The following GDI2 variants were observed in gnomAD, a reference collection of about 807,000 sequenced individuals.
The protein encoded by GDI2 is GDP dissociation inhibitor 2, also known as rab GDP dissociation inhibitor beta.
Under a neutral mutation model 54.2 loss-of-function variants are expected in GDI2, and 22 were observed. That is an observed-to-expected ratio of 0.41 (90% CI 0.29 to 0.58). The LOEUF is 0.58. GDI2 is among the 20% of genes least tolerant of loss of function. The pLI, the probability that GDI2 is intolerant of heterozygous loss-of-function variation, is 0.35. For missense variants in GDI2, 422 were observed against 546.0 expected (o/e 0.77, Z 2.26); for synonymous variants, 177 against 182.1 (o/e 0.97, Z 0.23).
intron 7 of GDI2, among the ~76,000 whole-genome samples, chr10:5,769,565 G>A (rs1345407517): frequency 1.4e-5 from 2 of 143,986 alleles, no homozygotes; most frequent in Non-Finnish European, 3.0e-5. Flanking sequence ...GCAAAACTCC[G>A]TCTCAAAAGA....
At chr10:5,795,215 A>G (rs1841118800) in intron 3 of GDI2, among the ~76,000 whole-genome samples, 196 bp from the exon 4 acceptor site, 1 of 152,144 alleles carries the variant, frequency 6.6e-6, no homozygotes, top group South Asian at 2.1e-4. Flanking sequence ...CTGCAACCTC[A>G]GCCTCCTGGG....
chr10:5,796,263 T>C (rs1315454083), intron 3 of GDI2, among the ~76,000 whole-genome samples: 1 of 151,768 alleles, frequency 6.6e-6, no homozygotes, highest in Admixed American at 6.6e-5. Flanking sequence ...GGCAGGAGAA[T>C]TGCTTGAACC....
At chr10:5,811,891 C>A in intron 1 of GDI2, 1 of 1,115,334 alleles carries the variant, frequency 9.0e-7, no homozygotes, top group Non-Finnish European at 1.2e-6. Context: ...AAAAAATTAG[C>A]CAAATAAAAG....
chr10:5,805,654 G>A lies in GDI2; in HGVS notation c.46-4949C>T, dbSNP rs143417877. Among the ~76,000 whole-genome samples the A allele has an allele frequency of 5.0e-3, 761 of 152,322 alleles. 5 individuals are homozygous for A. The highest frequency in any genetic ancestry group is 0.017 in the African/African-American group (724 of 41,570). ...TCCTGCCTTGTCCTCCCAAAGTGCT[G>A]GGATTACAGGTGTCAGCCACCACTG... is the stretch of plus-strand genomic sequence containing the variant. On this transcript the variant is annotated intron_variant, in intron 1 of 10. Coordinates refer to ENST00000380191, the MANE Select transcript of GDI2 (RefSeq NM_001494.4).
intron 1 of GDI2, among the ~76,000 whole-genome samples, chr10:5,809,342 A>C (rs1401810075): frequency 1.3e-5 from 2 of 152,058 alleles, no homozygotes; most frequent in Non-Finnish European, 2.9e-5. Context: ...CACTGCCTTG[A>C]AGATAATTTT....
At chr10:5,810,892 A>G (rs1841468884) in intron 1 of GDI2, among the ~76,000 whole-genome samples, 1 of 152,190 alleles carries the variant, frequency 6.6e-6, no homozygotes, top group South Asian at 2.1e-4. Context: ...TTAACAACTC[A>G]TACAAACAAT....
At chr10:5,788,001 C>T (rs548706069) in intron 4 of GDI2, among the ~76,000 whole-genome samples, 2 of 152,338 alleles carry the variant, frequency 1.3e-5, no homozygotes, top group East Asian at 1.9e-4. Flanking sequence ...ACAGTAGAGA[C>T]GTCCTGGCTG....
At chr10:5,773,778 AT>A in intron 7 of GDI2, 63 bp downstream of exon 7, 1 of 771,324 alleles carries the variant, frequency 1.3e-6, no homozygotes, top group African/African-American at 1.7e-5. Flanking sequence ...CAAAATCAAT[AT>A]TTAGAATACA....
chr10:5,778,686 G>A (rs1241912212), intron 6 of GDI2, among the ~76,000 whole-genome samples: 1 of 152,128 alleles, frequency 6.6e-6, no homozygotes, highest in Non-Finnish European at 1.5e-5. Flanking sequence ...ATACCAAGGA[G>A]GAAATATCCT....
chr10:5,790,876 C>T (rs927347620), intron 4 of GDI2, among the ~76,000 whole-genome samples: 2 of 152,168 alleles, frequency 1.3e-5, no homozygotes, highest in Non-Finnish European at 1.5e-5. Flanking sequence ...ATGTTCTTGG[C>T]TGGGTGCAGT....
At chr10:5,773,111 T>C (rs1167518648) in intron 7 of GDI2, among the ~76,000 whole-genome samples, 2 of 152,170 alleles carry the variant, frequency 1.3e-5, no homozygotes, top group Non-Finnish European at 2.9e-5. Context: ...CCTACCAAAC[T>C]CTGATCTCAA....
chr10:5,783,446 C>T (rs1472758148), intron 6 of GDI2, among the ~76,000 whole-genome samples: 1 of 152,104 alleles, frequency 6.6e-6, no homozygotes, highest in Non-Finnish European at 1.5e-5. Context: ...CATTTACATT[C>T]AACATTAGTA....
intron 7 of GDI2, among the ~76,000 whole-genome samples, chr10:5,770,692 G>A (rs919560625): frequency 9.9e-5 from 15 of 151,822 alleles, no homozygotes; most frequent in African/African-American, 2.2e-4. Flanking sequence ...CTGGCCGGGC[G>A]CAGTGGCTGA....
At chr10:5,812,204 T>TAA (rs202220456) in intron 1 of GDI2, among the ~76,000 whole-genome samples, 56 of 140,118 alleles carry the variant, frequency 4.0e-4, no homozygotes, top group Non-Finnish European at 6.7e-4. Flanking sequence ...GATGAACATT[T>TAA]AAAAAAAAAA....
At chr10:5,770,642 C>T (rs1337509256) in intron 7 of GDI2, among the ~76,000 whole-genome samples, 1 of 151,784 alleles carries the variant, frequency 6.6e-6, no homozygotes, top group African/African-American at 2.4e-5. Flanking sequence ...TATTTAATAC[C>T]ACTGAACTGT....
At chr10:5,802,442 T>C (rs1159870842) in intron 1 of GDI2, among the ~76,000 whole-genome samples, 2 of 151,534 alleles carry the variant, frequency 1.3e-5, no homozygotes, top group Non-Finnish European at 2.9e-5. Context: ...CTACTAAAAA[T>C]ACAAAACTTA....
intron 1 of GDI2, among the ~76,000 whole-genome samples, chr10:5,812,798 G>C (rs1477671416): frequency 6.6e-6 from 1 of 152,222 alleles, no homozygotes; most frequent in Non-Finnish European, 1.5e-5. Context: ...GGCGGAATAG[G>C]AAATGCAACC....
In GDI2 at chr10:5,813,359, G is replaced by T. The variant is rs1322047150; in HGVS notation, c.-101C>A. Reference sequence around the variant, plus strand: ...AGGCGCTCTTGGGCGCGAAGGAAAGGGGAAGAGAAAGAGAGGAAAATGGAG... The same window carrying T: ...AGGCGCTCTTGGGCGCGAAGGAAAGTGGAAGAGAAAGAGAGGAAAATGGAG... On this transcript the variant is annotated 5_prime_UTR_variant, in exon 1 of 11. Coordinates refer to ENST00000380191, the MANE Select transcript of GDI2 (RefSeq NM_001494.4). 1.2e-6 allele frequency: 1 copy of T among 838,208 alleles called. No homozygotes were observed. Among genetic ancestry groups the T allele is most frequent in the African/African-American group, 1.7e-5 (1 of 57,410 alleles). The allele number at this position is 838,208 out of a possible 1,614,324, so 51.9% of individuals were successfully genotyped here. A position where few individuals can be genotyped will look rare whatever the true frequency, so the allele number is the denominator to read the frequency against.
chr10:5,765,768 G>GAA lies in GDI2; in HGVS notation c.*236_*237dup, dbSNP rs34959016. 20,728 of 301,620 alleles carry GAA rather than the reference G, an allele frequency of 0.069. 14 individuals carry two copies. The highest frequency in any genetic ancestry group is 0.12 in the East Asian group (1,816 of 15,200). 18.7% of individuals were successfully genotyped at this position (301,620 alleles called of 1,614,324 possible). A position where few individuals can be genotyped will look rare whatever the true frequency, so the allele number is the denominator to read the frequency against. On this transcript the variant is annotated 3_prime_UTR_variant, in exon 11 of 11. Transcript: ENST00000380191. ...TCCCAATGTTTGTTTAACTTCACTAGAAAAAAAAAAAGCCAGTTTGGTTAA... is the reference window on the plus strand; with the variant it reads ...TCCCAATGTTTGTTTAACTTCACTAGAAAAAAAAAAAAAGCCAGTTTGGTTAA...
Sources: allele counts gnomAD v4.1 joint callset (sites outside exome capture counted in the v4.1 genomes callset), GRCh38; gene constraint gnomAD v4.1.1; transcripts MANE v1.5; gene names NCBI Gene and HGNC (gene_info 2026-07-23, HGNC 2026-07-21).